USP13: variants seen among roughly 807,000 people sequenced by gnomAD.
USP13 encodes ubiquitin specific peptidase 13.
Under a neutral mutation model 107.8 loss-of-function variants are expected in USP13, and 68 were observed. The observed-to-expected ratio is 0.63, with a 90% CI of 0.52 to 0.77. The LOEUF is 0.77. Ranked by LOEUF, USP13 falls within the 30% of genes least tolerant of loss-of-function variation. USP13 has a pLI of 0.00. For missense variants in USP13, 945 were observed against 1,093.3 expected (o/e 0.86, Z 1.91); for synonymous variants, 377 against 389.5 (o/e 0.97, Z 0.38).
Position 179,788,739 on chromosome 3 carries a change from C to T in USP13, c.*4598C>T, listed in dbSNP as rs1344214742. 1 of 152,068 alleles carries T rather than the reference C, an allele frequency of 6.6e-6. No individual in the cohort carries two copies. Among genetic ancestry groups the T allele is most frequent in the African/African-American group, 2.4e-5 (1 of 41,388 alleles). 9.4% of individuals were successfully genotyped at this position (152,068 alleles called of 1,614,324 possible). A position where few individuals can be genotyped will look rare whatever the true frequency, so the allele number is the denominator to read the frequency against. ...TGGATAACGTTATACTTCTATTGGA[C>T]AGCCCCACTCTAGACTTACATGGTG... On this transcript the variant is annotated 3_prime_UTR_variant, in exon 21 of 21. Transcript: ENST00000263966.
intron 15 of USP13, among the ~76,000 whole-genome samples, chr3:179,756,080 C>G (rs185405667): frequency 1.1e-3 from 166 of 152,312 alleles, no homozygotes; most frequent in African/African-American, 3.9e-3. Context: ...CTCCAGCTCT[C>G]TCTGATGTTC....
chr3:179,709,052 G>A (rs1712830550), intron 6 of USP13, 95 bp downstream of exon 6: 1 of 1,408,054 alleles, frequency 7.1e-7, no homozygotes, highest in South Asian at 1.4e-5. Context: ...TGCAGGCTCT[G>A]GATGCAGACA....
At chr3:179,759,086 A>G (rs1245111134) in intron 16 of USP13, among the ~76,000 whole-genome samples, 2 of 152,074 alleles carry the variant, frequency 1.3e-5, no homozygotes, top group South Asian at 2.1e-4. Context: ...GGTTCAAGCA[A>G]TTCTTCTGCC....
chr3:179,685,445 G>C (rs1004044692), intron 2 of USP13, among the ~76,000 whole-genome samples: 4 of 152,010 alleles, frequency 2.6e-5, no homozygotes, highest in Non-Finnish European at 1.5e-5. Context: ...AAGAGGGGGA[G>C]AGCAGGAGGA....
chr3:179,705,818 G>A (rs1336345317), intron 4 of USP13, among the ~76,000 whole-genome samples: 1 of 152,142 alleles, frequency 6.6e-6, no homozygotes, highest in Non-Finnish European at 1.5e-5. Context: ...TGCCTCCCAG[G>A]CTCAAGCGAT....
intron 2 of USP13, among the ~76,000 whole-genome samples, chr3:179,683,821 T>C (rs1711761304): frequency 2.6e-5 from 4 of 152,262 alleles, no homozygotes; most frequent in Admixed American, 2.0e-4. Context: ...TTTAACATTT[T>C]AGGTCTTTAA....
intron 10 of USP13, 25 bp from the exon 11 acceptor site, chr3:179,740,222 A>G: frequency 6.2e-7 from 1 of 1,611,992 alleles, no homozygotes; most frequent in Non-Finnish European, 8.5e-7. Flanking sequence ...AAGTATCATA[A>G]GTCCATTTCA....
At chr3:179,783,935 G>T in intron 20 of USP13, 113 bp from the exon 21 acceptor site, 1 of 738,588 alleles carries the variant, frequency 1.4e-6, no homozygotes. Context: ...CTTGAGTATA[G>T]TACCTTAAAA....
At chr3:179,727,700 T>C (rs1160583689) in intron 8 of USP13, among the ~76,000 whole-genome samples, 1 of 66,800 alleles carries the variant, frequency 1.5e-5, no homozygotes, top group African/African-American at 5.1e-5. Context: ...CCAGACGGGG[T>C]GGTGCCAGGC....
intron 12 of USP13, among the ~76,000 whole-genome samples, chr3:179,744,365 G>T (rs9854294): frequency 0.055 from 7,802 of 140,760 alleles, 569 homozygotes; most frequent in African/African-American, 0.17. Flanking sequence ...GTTTTGTTTT[G>T]TTTTTTTCTG....
chr3:179,755,395 A>G (rs1271635661), intron 15 of USP13, among the ~76,000 whole-genome samples: 2 of 152,066 alleles, frequency 1.3e-5, no homozygotes, highest in Non-Finnish European at 2.9e-5. Flanking sequence ...CCTGGGTTCA[A>G]GCAATTCTCC....
At chr3:179,733,642 A>C (rs1713884531) in intron 10 of USP13, among the ~76,000 whole-genome samples, 1 of 152,210 alleles carries the variant, frequency 6.6e-6, no homozygotes, top group Non-Finnish European at 1.5e-5. Context: ...AAGAAGATTC[A>C]CTGAAACAGA....
intron 19 of USP13, among the ~76,000 whole-genome samples, chr3:179,770,224 A>T (rs1715303788): frequency 6.6e-6 from 1 of 152,172 alleles, no homozygotes; most frequent in Non-Finnish European, 1.5e-5. Context: ...GGAATACCTG[A>T]TCACTTTACA....
intron 9 of USP13, 29 bp downstream of exon 9, chr3:179,730,289 T>C (rs201607829): frequency 3.8e-6 from 5 of 1,303,406 alleles, no homozygotes; most frequent in Non-Finnish European, 5.5e-6. Context: ...TTTTTTTTTT[T>C]CTAGAAAAAG....
At chr3:179,752,800 G>T (rs1056345726) in intron 14 of USP13, among the ~76,000 whole-genome samples, 1 of 152,238 alleles carries the variant, frequency 6.6e-6, no homozygotes, top group Non-Finnish European at 1.5e-5. Context: ...ACTTTGAGCA[G>T]CCAGTGGTTG....
At chr3:179,659,897 C>A (rs945992669) in intron 1 of USP13, among the ~76,000 whole-genome samples, 3 of 152,086 alleles carry the variant, frequency 2.0e-5, no homozygotes, top group African/African-American at 7.2e-5. Context: ...CAAAAATTAG[C>A]CGGGCTGGGT....
Position 179,730,220 on chromosome 3 carries a change from T to A in USP13, c.1120T>A (p.Tyr374Asn). The A allele has an allele frequency of 3.1e-6, 5 of 1,613,710 alleles. No homozygotes were observed. Among genetic ancestry groups the A allele is most frequent in the Non-Finnish European group, 4.2e-6 (5 of 1,179,886 alleles). Residue 374 changes from tyrosine (Y) to asparagine (N), a missense_variant, in exon 9 of 21, where the codon TAC becomes AAC. Tyr to Asn is a moderately radical substitution (Grantham distance 143). Transcript: ENST00000263966. The part of the protein sequence containing the change: ...YVGNLPRIFD[Y>N]SPLDPTQDFN... ...AGGAAACCTTCCCAGAATATTTGAC[T>A]ACTCGCCTTTAGATCCAACACAAGA...
intron 10 of USP13, 55 bp from the exon 11 acceptor site, chr3:179,740,192 A>G: frequency 1.2e-6 from 2 of 1,606,030 alleles, no homozygotes; most frequent in Non-Finnish European, 1.7e-6. Context: ...CTTGCCGCTT[A>G]GGGCTGTTAA....
chr3:179,676,258 G>A (rs145794830), intron 1 of USP13, among the ~76,000 whole-genome samples: 6 of 152,206 alleles, frequency 3.9e-5, no homozygotes, highest in East Asian at 1.9e-4. Flanking sequence ...ACCCAGTCTC[G>A]GGTGTTTCAT....
Sources: gnomAD v4.1 joint callset for allele counts (sites outside exome capture counted in the v4.1 genomes callset) on GRCh38, gnomAD v4.1.1 for gene constraint, MANE v1.5 for transcripts, NCBI Gene and HGNC (gene_info 2026-07-23, HGNC 2026-07-21) for gene names.